TRAF4: variants seen among roughly 807,000 people sequenced by gnomAD.
The protein encoded by TRAF4 is TNF receptor-associated factor 4.
TRAF4 carries 9 observed loss-of-function variants against 47.3 expected under a neutral mutation model. The ratio of observed to expected loss-of-function variants is 0.19; its 90% CI spans 0.11 to 0.33. The LOEUF (loss-of-function observed/expected upper bound fraction) is 0.33. Among genes scored for constraint, TRAF4 ranks in the 10% least tolerant of loss-of-function variants. The pLI is 1.00. For synonymous variants in TRAF4, 236 were observed against 236.9 expected, an observed-to-expected ratio of 1.00 and a Z score of 0.04; for missense variants, 448 against 620.3, an observed-to-expected ratio of 0.72 and a Z score of 2.95.
At chr17:28,747,766 C>T (rs1308090995) in intron 2 of TRAF4, 77 bp from the exon 3 acceptor site, 2 of 1,433,730 alleles carry the variant, frequency 1.4e-6, no homozygotes, top group African/African-American at 2.8e-5. Context: ...TAGAGCCAGC[C>T]CAGTTGGGTC....
chr17:28,747,161 G>T, intron 1 of TRAF4, 52 bp from the exon 2 acceptor site: 2 of 1,591,794 alleles, frequency 1.3e-6, no homozygotes, highest in Admixed American at 1.7e-5. Context: ...GTGGGGCCAG[G>T]CCTCCCTTTC....
Position 28,744,169 on chromosome 17 carries a change from A to T in TRAF4, c.57A>T (p.Pro19=). Residue 19 remains proline, a synonymous_variant, in exon 1 of 7, where the codon CCA becomes CCT. Coordinates refer to ENST00000262395, the MANE Select transcript of TRAF4 (RefSeq NM_004295.4). The stretch of plus-strand genomic sequence containing the variant: ...AGCCCAAGCGACGGCTGCTGTGCCC[A>T]CTGTGCGGGAAGCCCATGCGCGAGC... ...LEKPKRRLLC[P]LCGKPMREPV... 1 of 1,596,260 alleles carries T rather than the reference A, an allele frequency of 6.3e-7. No individual in the cohort carries two copies. Among genetic ancestry groups the T allele is most frequent in the Non-Finnish European group, 8.5e-7 (1 of 1,178,226 alleles).
intron 1 of TRAF4, among the ~76,000 whole-genome samples, chr17:28,745,136 T>G (rs1054641693): frequency 6.6e-6 from 1 of 152,218 alleles, no homozygotes; most frequent in Non-Finnish European, 1.5e-5. Flanking sequence ...ACTGCCTGGC[T>G]GTTTGCTGGG....
chr17:28,749,825 T>G lies in TRAF4; in HGVS notation c.*248T>G, dbSNP rs1238007790. The G allele has an allele frequency of 5.5e-6, 4 of 725,846 alleles. No individual in the cohort carries two copies. Among genetic ancestry groups the G allele is most frequent in the East Asian group, 5.4e-5 (2 of 37,378 alleles). 45.0% of individuals were successfully genotyped at this position (725,846 alleles called of 1,614,324 possible). ...GTGACCCCAGGGCCTGTCTCCCTTC[T>G]TGGGTAGGGCAGACATGCCTTGGTG... On this transcript the variant is annotated 3_prime_UTR_variant, in exon 7 of 7. Transcript: ENST00000262395.
At position 28,749,912 on chromosome 17, in the gene TRAF4, G is replaced by T. The variant is rs1177923521; in HGVS notation, c.*335G>T. 1 of 700,244 alleles carries T rather than the reference G, an allele frequency of 1.4e-6. No individual in the cohort carries two copies. Among genetic ancestry groups the T allele is most frequent in the Non-Finnish European group, 2.6e-6 (1 of 384,472 alleles). The allele number at this position is 700,244 out of a possible 1,614,324, so 43.4% of individuals were successfully genotyped here. The stretch of plus-strand genomic sequence containing the variant: ...GGTGCTATGTCCCAAGAGCCATAAG[G>T]GGGTGGGAATTGGGGAGGGAGAAAG... On this transcript the variant is annotated 3_prime_UTR_variant, in exon 7 of 7. Transcript: ENST00000262395.
At chr17:28,747,391 G>A in intron 2 of TRAF4, 127 bp downstream of exon 2, 2 of 1,188,742 alleles carry the variant, frequency 1.7e-6, no homozygotes, top group African/African-American at 1.5e-5. Context: ...CCTCCACAAA[G>A]GTAGCCTGTT....
chr17:28,744,356 T>C (rs949157760), intron 1 of TRAF4, 101 bp downstream of exon 1: 2 of 1,372,280 alleles, frequency 1.5e-6, no homozygotes, highest in Non-Finnish European at 1.9e-6. Context: ...TTGTCTGCGC[T>C]GCGACCCTGT....
rs1335043437 is a variant in TRAF4 at position 28,748,303 on chromosome 17, G to A, written c.504G>A (p.Glu168=). The A allele has an allele frequency of 5.6e-6, 9 of 1,613,712 alleles. No homozygotes were observed. Among genetic ancestry groups the A allele is most frequent in the Non-Finnish European group, 7.6e-6 (9 of 1,179,974 alleles). The stretch of plus-strand genomic sequence containing the variant: ...GCCCCCAGGAGAGTGTCTACTGTGA[G>A]AATAAGTGTGGTGCCCGCATGATGC... ...GMCPQESVYC[E]NKCGARMMRR... is the part of the protein sequence containing the mutation. Residue 168 remains glutamate (E), a synonymous_variant, in exon 5 of 7, where the codon GAG becomes GAA. Transcript: ENST00000262395.
Position 28,749,673 on chromosome 17 carries a change from T to G in TRAF4, c.*96T>G. The G allele has an allele frequency of 1.3e-6, 2 of 1,564,664 alleles. No individual in the cohort carries two copies. The highest frequency in any genetic ancestry group is 1.2e-5 in the South Asian group (1 of 86,450). The stretch of plus-strand genomic sequence containing the variant: ...GGGGGCCGGACCCCCGTCAGCTGCT[T>G]CTGCTGCCTAGGTTCTGTTACCCCA... On this transcript the variant is annotated 3_prime_UTR_variant, in exon 7 of 7. Transcript: ENST00000262395.
chr17:28,749,239 G>A lies in TRAF4; in HGVS notation c.1075G>A (p.Glu359Lys). ...ATTCCTCAATGGCAATGGCAGTGGT[G>A]AGGGCACACACCTCTCACTGTACAT... ...SAFLNGNGSG[E>K]GTHLSLYIRV... Residue 359 changes from glutamate (E) to lysine (K), a missense_variant, in exon 7 of 7, where the codon GAG becomes AAG. Glu to Lys is a moderately conservative substitution (Grantham distance 56). Transcript: ENST00000262395. 6.2e-7 allele frequency: 1 copy of A among 1,614,112 alleles called. No homozygotes were observed. The highest frequency in any genetic ancestry group is 8.5e-7 in the Non-Finnish European group (1 of 1,180,056).
Position 28,750,068 on chromosome 17 carries a change from T to C in TRAF4, c.*491T>C, listed in dbSNP as rs2034580308. 1 of 581,342 alleles carries C rather than the reference T, an allele frequency of 1.7e-6. No individual in the cohort carries two copies. The highest frequency in any genetic ancestry group is 1.9e-5 in the African/African-American group (1 of 53,306). 36.0% of individuals were successfully genotyped at this position (581,342 alleles called of 1,614,324 possible). ...GCCCTGATTTTTAATAAATCCGGAATTGTATTTATTAATTTGCTTCCAGCC... is the reference window on the plus strand; with the variant it reads ...GCCCTGATTTTTAATAAATCCGGAACTGTATTTATTAATTTGCTTCCAGCC... On this transcript the variant is annotated 3_prime_UTR_variant, in exon 7 of 7. Transcript: ENST00000262395.
Position 28,749,124 on chromosome 17 carries a change from G to A in TRAF4, c.960G>A (p.Arg320=), listed in dbSNP as rs150617731. ...GGAAGATTGGCAGCTATGGACGGCG[G>A]CTACAGGAGGCCAAGGCCAAGCCCA... The part of the protein sequence containing the change: ...LIWKIGSYGR[R]LQEAKAKPNL... Residue 320 remains arginine, a synonymous_variant, in exon 7 of 7, where the codon CGG becomes CGA. Coordinates refer to ENST00000262395, the MANE Select transcript of TRAF4 (RefSeq NM_004295.4). 4.6e-5 allele frequency: 74 copies of A among 1,614,086 alleles called. No individual in the cohort carries two copies. The African/African-American group carries it at 8.0e-4, about 17-fold the overall frequency.
chr17:28,747,765 C>G (rs771287566), intron 2 of TRAF4, 78 bp from the exon 3 acceptor site: 1 of 1,427,826 alleles, frequency 7.0e-7, no homozygotes, highest in Non-Finnish European at 9.6e-7. Flanking sequence ...GTAGAGCCAG[C>G]CCAGTTGGGT....
At chr17:28,746,206 T>C (rs2034510312) in intron 1 of TRAF4, among the ~76,000 whole-genome samples, 1 of 152,226 alleles carries the variant, frequency 6.6e-6, no homozygotes, top group African/African-American at 2.4e-5. Flanking sequence ...GCCTTCCACC[T>C]ACCTGACTCA....
intron 2 of TRAF4, 93 bp from the exon 3 acceptor site, chr17:28,747,750 C>G: frequency 7.8e-7 from 1 of 1,278,002 alleles, no homozygotes; most frequent in Non-Finnish European, 1.1e-6. Flanking sequence ...ATTACAGGCT[C>G]CAAGGTAGAG....
chr17:28,748,822 C>G, intron 6 of TRAF4, 123 bp from the exon 7 acceptor site: 1 of 1,476,538 alleles, frequency 6.8e-7, no homozygotes, highest in Admixed American at 2.3e-5. Flanking sequence ...TTCCTAACAC[C>G]CTCTGTCTTC....
At chr17:28,747,989 C>G in intron 3 of TRAF4, 28 bp from the exon 4 acceptor site, 1 of 1,614,146 alleles carries the variant, frequency 6.2e-7, no homozygotes, top group Non-Finnish European at 8.5e-7. Context: ...TCTCCCTTGG[C>G]AGGCACTAAT....
chr17:28,748,746 C>G lies in TRAF4; in HGVS notation c.780+80C>G, dbSNP rs1481358947. On this transcript the variant is annotated intron_variant, in intron 6 of 6. Transcript: ENST00000262395. ...GGCTCAGCTTCTGATGTACTTAGGC[C>G]TTGGTGGTCCCTGCTGTGCTGCTCT... is the stretch of plus-strand genomic sequence containing the variant. 22 of 1,565,026 alleles carry G rather than the reference C, an allele frequency of 1.4e-5. No homozygotes were observed. In the South Asian group the frequency reaches 2.3e-4, roughly 16 times the overall value.
intron 1 of TRAF4, among the ~76,000 whole-genome samples, chr17:28,746,393 CAGG>C (rs1467369142): frequency 1.3e-5 from 2 of 152,216 alleles, no homozygotes; most frequent in African/African-American, 4.8e-5. Context: ...GGGTTTGGTG[CAGG>C]AGAAGGCGGG....
Sources: gnomAD v4.1 joint callset for allele counts (sites outside exome capture counted in the v4.1 genomes callset) on GRCh38, gnomAD v4.1.1 for gene constraint, MANE v1.5 for transcripts, NCBI Gene and HGNC (gene_info 2026-07-23, HGNC 2026-07-21) for gene names.